NCKAP5: variants seen among roughly 807,000 people sequenced by gnomAD.
NCKAP5 encodes the protein nck-associated protein 5.
Under a neutral mutation model 167.0 loss-of-function variants are expected in NCKAP5, and 92 were observed. That is an observed-to-expected ratio of 0.55 (90% CI 0.47 to 0.66). The LOEUF (loss-of-function observed/expected upper bound fraction) is 0.66, where lower values mean the gene tolerates loss of function less well. Among genes scored for constraint, NCKAP5 ranks in the 30% least tolerant of loss-of-function variants. NCKAP5 has a pLI of 0.00. For missense variants in NCKAP5, 2,378 were observed against 2,315.0 expected, an observed-to-expected ratio of 1.03 and a Z score of -0.56; for synonymous variants, 891 against 877.4, an observed-to-expected ratio of 1.02 and a Z score of -0.27.
At chr2:133,426,944 G>A (rs188302802) in intron 3 of NCKAP5, among the ~76,000 whole-genome samples, 68 of 152,294 alleles carry the variant, frequency 4.5e-4, no homozygotes, top group African/African-American at 1.4e-3. Context: ...ACATAAAGTA[G>A]TGTAATGCAG....
intron 3 of NCKAP5, among the ~76,000 whole-genome samples, chr2:133,505,566 T>C (rs536545255): frequency 1.3e-5 from 2 of 152,038 alleles, no homozygotes; most frequent in East Asian, 3.9e-4. Flanking sequence ...CTAAATTCAC[T>C]CAACAACCCT....
intron 5 of NCKAP5, among the ~76,000 whole-genome samples, chr2:133,152,053 G>A: frequency 6.6e-6 from 1 of 152,146 alleles, no homozygotes; most frequent in East Asian, 1.9e-4. Flanking sequence ...AAGGAAACCA[G>A]AATATTTCTC....
chr2:133,151,138 T>A (rs554147727), intron 5 of NCKAP5, among the ~76,000 whole-genome samples: 1 of 152,270 alleles, frequency 6.6e-6, no homozygotes, highest in Non-Finnish European at 1.5e-5. Context: ...ATTCAGTGAG[T>A]TAACCAATAT....
intron 8 of NCKAP5, among the ~76,000 whole-genome samples, chr2:132,951,695 T>C (rs977533146): frequency 1.3e-5 from 2 of 152,168 alleles, no homozygotes; most frequent in African/African-American, 2.4e-5. Context: ...GTCAAGCCAA[T>C]ACCTATATAA....
At chr2:132,848,168 T>A (rs1688808522) in intron 11 of NCKAP5, among the ~76,000 whole-genome samples, 2 of 152,224 alleles carry the variant, frequency 1.3e-5, no homozygotes, top group South Asian at 2.1e-4. Context: ...CAATCAATTG[T>A]GGTAATCCAC....
chr2:133,628,802 G>A, the NCKAP5 span, among the ~76,000 whole-genome samples: 1 of 152,114 alleles, frequency 6.6e-6, no homozygotes, highest in Non-Finnish European at 1.5e-5. Flanking sequence ...TAGACCAATG[G>A]AACAGAATAG....
At chr2:133,445,249 A>C (rs546892727) in intron 3 of NCKAP5, among the ~76,000 whole-genome samples, 2 of 152,250 alleles carry the variant, frequency 1.3e-5, no homozygotes, top group Middle Eastern at 6.8e-3. Context: ...ATTCACAAAT[A>C]ATGATTCAAT....
intron 6 of NCKAP5, among the ~76,000 whole-genome samples, chr2:133,049,758 T>G (rs2149481711): frequency 6.6e-6 from 1 of 152,224 alleles, no homozygotes; most frequent in East Asian, 1.9e-4. Flanking sequence ...TGCTTGTGAC[T>G]CCAGTGCTCC....
chr2:133,357,414 T>G (rs769142256), intron 3 of NCKAP5, among the ~76,000 whole-genome samples: 2 of 152,012 alleles, frequency 1.3e-5, no homozygotes, highest in Non-Finnish European at 2.9e-5. Context: ...ATAACTTAGA[T>G]TTTCTGCTTG....
intron 19 of NCKAP5, among the ~76,000 whole-genome samples, chr2:132,677,620 G>A (rs1684659570): frequency 1.3e-5 from 2 of 151,964 alleles, no homozygotes; most frequent in African/African-American, 2.4e-5. Flanking sequence ...CATCTATTAT[G>A]CCTCTATTGC....
At chr2:132,998,223 T>A (rs2077665077) in intron 6 of NCKAP5, among the ~76,000 whole-genome samples, 1 of 152,236 alleles carries the variant, frequency 6.6e-6, no homozygotes, top group African/African-American at 2.4e-5. Context: ...TGCTAAATTA[T>A]CTCTTCTGTA....
chr2:133,567,535 C>T (rs751429798), intron 1 of NCKAP5, among the ~76,000 whole-genome samples: 10 of 152,176 alleles, frequency 6.6e-5, no homozygotes, highest in Non-Finnish European at 1.2e-4. Context: ...GGTTCCAACT[C>T]AGAAGACAAG....
chr2:132,686,414 T>C (rs1051048321), intron 19 of NCKAP5, among the ~76,000 whole-genome samples: 3 of 152,208 alleles, frequency 2.0e-5, no homozygotes, highest in Non-Finnish European at 4.4e-5. Flanking sequence ...GGGGCCCTGA[T>C]GACTGCCCCT....
chr2:133,036,833 A>G (rs949553518), intron 6 of NCKAP5, among the ~76,000 whole-genome samples: 1 of 152,102 alleles, frequency 6.6e-6, no homozygotes, highest in Non-Finnish European at 1.5e-5. Context: ...ATCAGACAAG[A>G]GAAAAACATA....
At chr2:132,915,315 G>A (rs1303268483) in intron 8 of NCKAP5, among the ~76,000 whole-genome samples, 9 of 152,170 alleles carry the variant, frequency 5.9e-5, no homozygotes, top group African/African-American at 1.9e-4. Context: ...GGCCTGACCT[G>A]GTGTGATTCC....
chr2:133,400,737 C>T (rs1366450027), intron 3 of NCKAP5, among the ~76,000 whole-genome samples: 1 of 152,206 alleles, frequency 6.6e-6, no homozygotes. Context: ...GAAACTAATA[C>T]AATGATTAAA....
intron 15 of NCKAP5, among the ~76,000 whole-genome samples, chr2:132,779,711 T>A (rs919451094): frequency 2.0e-5 from 3 of 151,848 alleles, no homozygotes; most frequent in African/African-American, 7.3e-5. Flanking sequence ...AATAAAAAAA[T>A]TTAAACATCC....
Position 132,824,354 on chromosome 2 carries a change from C to T in NCKAP5, c.808-27625G>A, listed in dbSNP as rs766355156. On this transcript the variant is annotated intron_variant, in intron 11 of 19. Transcript: ENST00000409261. ...ATGACTGCTGCACATCCTGGCATTG[C>T]TTCCACCTTCCAGATAGAGAGAAGG... Among the ~76,000 whole-genome samples the T allele has an allele frequency of 8.9e-4, 136 of 152,274 alleles. 1 individual carries two copies. The highest frequency in any genetic ancestry group is 6.8e-3 in the Middle Eastern group (2 of 294).
At chr2:133,355,197 AT>A (rs1684627172) in intron 3 of NCKAP5, among the ~76,000 whole-genome samples, 1 of 152,206 alleles carries the variant, frequency 6.6e-6, no homozygotes, top group South Asian at 2.1e-4. Flanking sequence ...TTATAAGCCT[AT>A]CTTAAACTGT....
Sources: allele counts gnomAD v4.1 joint callset (sites outside exome capture counted in the v4.1 genomes callset), GRCh38; gene constraint gnomAD v4.1.1; transcripts MANE v1.5; gene names NCBI Gene and HGNC (gene_info 2026-07-23, HGNC 2026-07-21).